TINAG: variants seen among roughly 807,000 people sequenced by gnomAD.
The protein encoded by TINAG is tubulointerstitial nephritis antigen.
A neutral mutation model predicts 72.7 loss-of-function variants in TINAG; 83 were observed. The observed-to-expected ratio is 1.14, with a 90% CI of 0.96 to 1.37. TINAG has a LOEUF of 1.37. Ranked by LOEUF, TINAG falls within the 40% of genes most tolerant of loss-of-function variation. The pLI is 0.00. For synonymous variants in TINAG, 234 were observed against 189.9 expected (o/e 1.23, Z -1.91); for missense variants, 685 against 576.6 (o/e 1.19, Z -1.93).
At chr6:54,330,569 T>C (rs2150944537) in intron 4 of TINAG, among the ~76,000 whole-genome samples, 1 of 151,882 alleles carries the variant, frequency 6.6e-6, no homozygotes, top group East Asian at 1.9e-4. Context: ...AGCAAACAAA[T>C]TCAAAAGCTA....
At chr6:54,389,307 A>T (rs1277424827) in intron 10 of TINAG, among the ~76,000 whole-genome samples, 1 of 152,160 alleles carries the variant, frequency 6.6e-6, no homozygotes, top group African/African-American at 2.4e-5. Flanking sequence ...TCGCTGAACC[A>T]TCCAAGTAAA....
intron 4 of TINAG, among the ~76,000 whole-genome samples, chr6:54,339,651 T>C (rs1280652500): frequency 6.6e-6 from 1 of 152,154 alleles, no homozygotes; most frequent in Non-Finnish European, 1.5e-5. Context: ...TAGAGACTTA[T>C]CAAAGGATAC....
chr6:54,333,428 G>T (rs1031205237), intron 4 of TINAG, among the ~76,000 whole-genome samples: 1 of 151,692 alleles, frequency 6.6e-6, no homozygotes, highest in African/African-American at 2.4e-5. Flanking sequence ...AAGGACATAC[G>T]AGCACAGGGA....
chr6:54,349,575 G>T (rs895021969), intron 6 of TINAG, 141 bp from the exon 7 acceptor site: 2 of 591,576 alleles, frequency 3.4e-6, no homozygotes, highest in Non-Finnish European at 2.7e-6. Flanking sequence ...TTCTGTGTTG[G>T]AGTCACTCAC....
At chr6:54,336,329 A>C (rs184850448) in intron 4 of TINAG, among the ~76,000 whole-genome samples, 1 of 152,274 alleles carries the variant, frequency 6.6e-6, no homozygotes, top group Admixed American at 6.5e-5. Context: ...AGGCAAGTTA[A>C]TGTGGTAAGG....
Position 54,343,336 on chromosome 6 carries a change from A to C in TINAG, c.735A>C (p.Ala245=). Residue 245 remains alanine, a synonymous_variant, in exon 5 of 11, where the codon GCA becomes GCC. Transcript: ENST00000259782. Reference sequence around the variant, plus strand: ...AAAAAAATTGTGCTGCATCCTGGGCATTTTCCACTGCAAGTAATAAAGTCA... The same window carrying C: ...AAAAAAATTGTGCTGCATCCTGGGCCTTTTCCACTGCAAGTAATAAAGTCA... ...LDQKNCAASW[A]FSTASVAADR... The C allele has an allele frequency of 1.3e-6, 2 of 1,547,678 alleles. No individual in the cohort carries two copies. The highest frequency in any genetic ancestry group is 1.7e-6 in the Non-Finnish European group (2 of 1,144,304).
intron 1 of TINAG, among the ~76,000 whole-genome samples, chr6:54,310,853 C>T (rs985697804): frequency 6.8e-6 from 1 of 146,066 alleles, no homozygotes; most frequent in African/African-American, 2.5e-5. Flanking sequence ...CTCTCTTTCT[C>T]TCGCTCTTTC....
At chr6:54,382,660 T>C (rs1232665663) in intron 10 of TINAG, among the ~76,000 whole-genome samples, 3 of 152,018 alleles carry the variant, frequency 2.0e-5, no homozygotes, top group Non-Finnish European at 4.4e-5. Flanking sequence ...TCTTAACAGA[T>C]ACTCATAAAT....
At position 54,372,727 on chromosome 6, in the gene TINAG, CATATATAT is replaced by C. The variant is rs67301819; in HGVS notation, c.1251-7761_1251-7754del. ...TCCAAGAATATTATATAAATACATA[CATATATAT>C]ATATATATATATATATATATATATA... On this transcript the variant is annotated intron_variant, in intron 9 of 10. Coordinates refer to ENST00000259782, the MANE Select transcript of TINAG (RefSeq NM_014464.4). Among the ~76,000 whole-genome samples the C allele has an allele frequency of 6.5e-3, 871 of 133,816 alleles. 7 individuals are homozygous for C. Among genetic ancestry groups the C allele is most frequent in the African/African-American group, 9.9e-3 (365 of 36,806 alleles). The allele number at this position is 133,816 out of a possible 152,430, so 87.8% of individuals were successfully genotyped here.
upstream of TINAG, chr6:54,307,934 G>A: frequency 9.3e-7 from 1 of 1,073,394 alleles, no homozygotes; most frequent in South Asian, 1.4e-5. Context: ...GCTGAATTAG[G>A]TTCCACTAAG....
At chr6:54,381,434 G>A (rs1582763013) in intron 10 of TINAG, among the ~76,000 whole-genome samples, 1 of 151,662 alleles carries the variant, frequency 6.6e-6, no homozygotes, top group Admixed American at 6.6e-5. Flanking sequence ...ACACAGTAGA[G>A]GGCATATTTT....
intron 4 of TINAG, among the ~76,000 whole-genome samples, chr6:54,337,278 A>T (rs1281917735): frequency 1.7e-5 from 2 of 119,534 alleles, no homozygotes; most frequent in East Asian, 2.6e-4. Flanking sequence ...TTTGAGACAG[A>T]GTCTTGCTCT....
chr6:54,366,192 G>A (rs1035829232), intron 9 of TINAG, among the ~76,000 whole-genome samples: 3 of 151,194 alleles, frequency 2.0e-5, no homozygotes, highest in Non-Finnish European at 4.4e-5. Context: ...AACTCTTCAG[G>A]TTATCTGACT....
intron 10 of TINAG, among the ~76,000 whole-genome samples, chr6:54,383,535 G>C (rs1233473621): frequency 6.6e-6 from 1 of 151,994 alleles, no homozygotes; most frequent in African/African-American, 2.4e-5. Flanking sequence ...TGGCCTAGGA[G>C]CATTTGGTAG....
At position 54,354,603 on chromosome 6, in the gene TINAG, G is replaced by T; in HGVS notation, c.1217G>T (p.Arg406Leu). 1.2e-6 allele frequency: 2 copies of T among 1,610,632 alleles called. No individual in the cohort carries two copies. The highest frequency in any genetic ancestry group is 1.7e-6 in the Non-Finnish European group (2 of 1,178,134). ...TSTNKESEKY[R>L]KLQTHAVKLT... Reference sequence around the variant, plus strand: ...ACAAATAAAGAATCAGAAAAATATCGAAAGCTTCAGACACATGCAGTCAAA... The same window carrying T: ...ACAAATAAAGAATCAGAAAAATATCTAAAGCTTCAGACACATGCAGTCAAA... Residue 406 changes from arginine to leucine, a missense_variant, in exon 9 of 11, where the codon CGA (arginine) becomes CTA (leucine). Arg to Leu is a moderately radical substitution (Grantham distance 102, BLOSUM62 -2). Coordinates refer to ENST00000259782, the MANE Select transcript of TINAG (RefSeq NM_014464.4).
At position 54,334,077 on chromosome 6, in the gene TINAG, T is replaced by C. The variant is rs1032436362; in HGVS notation, c.624+7161T>C. Among the ~76,000 whole-genome samples the C allele has an allele frequency of 1.5e-4, 23 of 152,314 alleles. No individual in the cohort carries two copies. In the East Asian group the frequency reaches 4.4e-3, roughly 29 times the overall value. On this transcript the variant is annotated intron_variant, in intron 4 of 10. Transcript: ENST00000259782. ...CTACTAGGTATCTTGCACAAAGAAG[T>C]TTCTACCTCTCTTGTTATTACAAAC...
chr6:54,352,617 G>T (rs1002361017), intron 8 of TINAG, among the ~76,000 whole-genome samples: 4 of 151,638 alleles, frequency 2.6e-5, no homozygotes, highest in East Asian at 1.9e-4. Context: ...TGGACTCAAG[G>T]TTACACTAAA....
intron 6 of TINAG, among the ~76,000 whole-genome samples, chr6:54,348,955 T>C (rs1785195612): frequency 6.6e-6 from 1 of 152,092 alleles, no homozygotes; most frequent in Admixed American, 6.6e-5. Context: ...CAGCATAGAG[T>C]ATCTACAATA....
At chr6:54,353,522 G>A (rs544073408) in intron 8 of TINAG, among the ~76,000 whole-genome samples, 19 of 151,916 alleles carry the variant, frequency 1.3e-4, no homozygotes, top group Non-Finnish European at 2.1e-4. Context: ...AGAGATCTGC[G>A]TAAAGTACAG....
Sources: gnomAD v4.1 joint callset for allele counts (sites outside exome capture counted in the v4.1 genomes callset) on GRCh38, gnomAD v4.1.1 for gene constraint, MANE v1.5 for transcripts, NCBI Gene and HGNC (gene_info 2026-07-23, HGNC 2026-07-21) for gene names.